TBC1D3H: variants seen among roughly 807,000 people sequenced by gnomAD.
TBC1D3H encodes TBC1 domain family member 3H, also known as TBC1 domain family member 3-like.
chr17:36,385,894 G>A (rs1368972517), intron 3 of TBC1D3H, among the ~76,000 whole-genome samples: 1 of 129,154 alleles, frequency 7.7e-6, no homozygotes, highest in Non-Finnish European at 1.6e-5. Flanking sequence ...CCTCCCCAGG[G>A]ATCCTCTGTC....
Position 36,388,374 on chromosome 17 carries a change from C to G in TBC1D3H, c.-51G>C, listed in dbSNP as rs1169950157. ...TGGGTCATGCCTCTCAGGGAGAAAA[C>G]CTTTGAGTCCACAGAGCTGCTCACA... On this transcript the variant is annotated 5_prime_UTR_variant, in exon 1 of 14. Coordinates refer to ENST00000610350, the MANE Select transcript of TBC1D3H (RefSeq NM_001123392.4). The G allele has an allele frequency of 6.8e-6, 1 of 147,446 alleles. No homozygotes were observed. The highest frequency in any genetic ancestry group is 2.5e-5 in the African/African-American group (1 of 40,634). The allele number at this position is 147,446 out of a possible 1,614,324, so 9.1% of individuals were successfully genotyped here.
At chr17:36,385,836 A>G (rs1382587935) in intron 3 of TBC1D3H, among the ~76,000 whole-genome samples, 2 of 130,772 alleles carry the variant, frequency 1.5e-5, no homozygotes, top group Non-Finnish European at 3.3e-5. Flanking sequence ...CGAGCCACAC[A>G]CCCTGCGTTT....
chr17:36,388,445 C>A (rs1485634290), upstream of TBC1D3H: 3 of 147,688 alleles, frequency 2.0e-5, no homozygotes, highest in Admixed American at 6.7e-5. Flanking sequence ...TGAGGCAGGC[C>A]AGAGAGCAGA....
chr17:36,385,543 T>G, intron 3 of TBC1D3H, among the ~76,000 whole-genome samples: 1 of 119,350 alleles, frequency 8.4e-6, no homozygotes, highest in East Asian at 2.8e-4. Flanking sequence ...TGGGGGGCGG[T>G]CAGGCTGCCC....
intron 3 of TBC1D3H, among the ~76,000 whole-genome samples, chr17:36,385,825 C>G (rs572134340): frequency 0.079 from 10,417 of 131,386 alleles, 2,614 homozygotes; most frequent in African/African-American, 0.28. Context: ...CTCCCTGCAC[C>G]CGAGCCACAC....
At chr17:36,386,035 T>A (rs1310028088) in intron 3 of TBC1D3H, among the ~76,000 whole-genome samples, 4 of 127,064 alleles carry the variant, frequency 3.1e-5, no homozygotes, top group Non-Finnish European at 6.6e-5. Flanking sequence ...CACCGTGAGA[T>A]GCCCAGAACG....
intron 3 of TBC1D3H, among the ~76,000 whole-genome samples, chr17:36,385,532 G>T (rs569822393): frequency 1.2e-4 from 15 of 124,974 alleles, no homozygotes; most frequent in African/African-American, 4.4e-4. Context: ...GGCCCCTGGC[G>T]TGGGGGGCGG....
chr17:36,385,889 C>G (rs1337309966), intron 3 of TBC1D3H, among the ~76,000 whole-genome samples: 1 of 129,840 alleles, frequency 7.7e-6, no homozygotes, highest in African/African-American at 2.9e-5. Flanking sequence ...CCCTACCTCC[C>G]CAGGGATCCT....
intron 3 of TBC1D3H, among the ~76,000 whole-genome samples, chr17:36,385,864 A>C (rs1171853131): frequency 3.9e-5 from 5 of 129,148 alleles, no homozygotes; most frequent in Admixed American, 7.3e-5. Context: ...GGCACGGCTC[A>C]TCAGCTCCCT....
chr17:36,385,435 C>G (rs2142366543), intron 3 of TBC1D3H, 142 bp from the exon 4 acceptor site: 1 of 1,260,668 alleles, frequency 7.9e-7, no homozygotes, highest in Non-Finnish European at 1.0e-6. Context: ...GAAGGGAGGA[C>G]AAGGGCCTTC....
chr17:36,385,664 G>A (rs1478168842), intron 3 of TBC1D3H, among the ~76,000 whole-genome samples: 2 of 121,058 alleles, frequency 1.7e-5, no homozygotes, highest in African/African-American at 6.1e-5. Flanking sequence ...GCCCTGACAG[G>A]AGTCCCTCAG....
chr17:36,386,188 G>C (rs3929278), intron 3 of TBC1D3H, among the ~76,000 whole-genome samples: 4 of 117,850 alleles, frequency 3.4e-5, no homozygotes, highest in African/African-American at 1.1e-4. Context: ...AGACCTGCTG[G>C]ACAACAGCCC....
intron 3 of TBC1D3H, among the ~76,000 whole-genome samples, chr17:36,385,885 C>T (rs2069663042): frequency 7.7e-6 from 1 of 130,232 alleles, no homozygotes; most frequent in African/African-American, 2.9e-5. Flanking sequence ...CCCGCCCTAC[C>T]TCCCCAGGGA....
chr17:36,385,843 G>C (rs1028436580), intron 3 of TBC1D3H, among the ~76,000 whole-genome samples: 6 of 132,020 alleles, frequency 4.5e-5, no homozygotes, highest in Non-Finnish European at 9.7e-5. Context: ...CACACCCTGC[G>C]TTTCAGAAGT....
Position 36,385,534 on chromosome 17 carries a change from G to C in TBC1D3H, c.159-241C>G, listed in dbSNP as rs1418882457. 9.7e-5 allele frequency among the ~76,000 whole-genome samples: 12 copies of C among 124,278 alleles called. No homozygotes were observed. The South Asian group carries it at 2.9e-3, about 30-fold the overall frequency. 81.5% of individuals were successfully genotyped at this position (124,278 alleles called of 152,430 possible). ...CCGGGGTTACTGGGGCCCCTGGCGT[G>C]GGGGGCGGTCAGGCTGCCCAATGGG... On this transcript the variant is annotated intron_variant, in intron 3 of 13. Coordinates refer to ENST00000610350, the MANE Select transcript of TBC1D3H (RefSeq NM_001123392.4).
intron 1 of TBC1D3H, 88 bp from the exon 2 acceptor site, chr17:36,386,984 G>C: frequency 1.7e-4 from 1 of 5,728 alleles, no homozygotes; most frequent in Non-Finnish European, 3.8e-4. Flanking sequence ...CCAGATGCTG[G>C]CTGGCTGCGT....
At position 36,385,763 on chromosome 17, in the gene TBC1D3H, T is replaced by C. The variant is rs1390240811; in HGVS notation, c.159-470A>G. ...TGGCTGCACCAGGGGCCCACCCCAC[T>C]TGACAGCCCCAAGGCCCTTGCAGAT... is the stretch of plus-strand genomic sequence containing the variant. On this transcript the variant is annotated intron_variant, in intron 3 of 13. Transcript: ENST00000610350. Among the ~76,000 whole-genome samples, 4 of 130,868 alleles carry C rather than the reference T, an allele frequency of 3.1e-5. 1 individual carries two copies. The highest frequency in any genetic ancestry group is 2.2e-4 in the Admixed American group (3 of 13,732). The allele number at this position is 130,868 out of a possible 152,430, so 85.9% of individuals were successfully genotyped here.
intron 3 of TBC1D3H, among the ~76,000 whole-genome samples, chr17:36,385,871 C>T (rs1193876945): frequency 7.6e-6 from 1 of 131,078 alleles, no homozygotes; most frequent in Non-Finnish European, 1.6e-5. Context: ...CTCATCAGCT[C>T]CCTCCCGCCC....
intron 3 of TBC1D3H, among the ~76,000 whole-genome samples, chr17:36,385,840 T>A (rs1453885963): frequency 7.6e-6 from 1 of 131,888 alleles, no homozygotes; most frequent in Admixed American, 7.3e-5. Context: ...CCACACACCC[T>A]GCGTTTCAGA....
Sources: gnomAD v4.1 joint callset for allele counts (sites outside exome capture counted in the v4.1 genomes callset) on GRCh38, gnomAD v4.1.1 for gene constraint, MANE v1.5 for transcripts, NCBI Gene and HGNC (gene_info 2026-07-23, HGNC 2026-07-21) for gene names.